NSD2: variants seen among roughly 807,000 people sequenced by gnomAD.
NSD2 encodes the protein histone-lysine N-methyltransferase NSD2.
In NSD2, 12 loss-of-function variants were observed where a neutral mutation model predicts 139.0. The observed-to-expected ratio is 0.09, with a 90% confidence interval of 0.06 to 0.14. The LOEUF (loss-of-function observed/expected upper bound fraction) is 0.14, where lower values mean the gene tolerates loss of function less well. NSD2 is among the 10% of genes least tolerant of loss of function. NSD2 has a pLI of 1.00. For synonymous variants in NSD2, 669 were observed against 648.7 expected, an observed-to-expected ratio of 1.03 and a Z score of -0.48; for missense variants, 1,155 against 1,745.0, an observed-to-expected ratio of 0.66 and a Z score of 6.02.
chr4:1,928,012 C>G (rs1238555860), intron 5 of NSD2, among the ~76,000 whole-genome samples: 1 of 152,008 alleles, frequency 6.6e-6, no homozygotes, highest in East Asian at 1.9e-4. Context: ...ACCTCCACTT[C>G]CCAAGTAGCT....
chr4:1,909,561 G>A (rs1401882878), intron 3 of NSD2, among the ~76,000 whole-genome samples: 2 of 152,124 alleles, frequency 1.3e-5, no homozygotes, highest in Admixed American at 6.6e-5. Context: ...AGAAGAGATA[G>A]CTCCTGCCGT....
At chr4:1,928,693 C>T (rs927131614) in intron 5 of NSD2, among the ~76,000 whole-genome samples, 60 of 151,380 alleles carry the variant, frequency 4.0e-4, no homozygotes, top group African/African-American at 1.4e-3. Flanking sequence ...TGTTAGCATT[C>T]ATCCTAACTG....
rs576379968 is a variant in NSD2, at chr4:1,975,855, G to A, written c.3621+455G>A. On this transcript the variant is annotated intron_variant, in intron 20 of 21. Coordinates refer to ENST00000508803, the MANE Select transcript of NSD2 (RefSeq NM_001042424.3). ...TTGACTTAGCGCCTGCCCTGCTACCGTGTGACCCCATCTTAACAGATCTCA... is the reference window on the plus strand; with the variant it reads ...TTGACTTAGCGCCTGCCCTGCTACCATGTGACCCCATCTTAACAGATCTCA... Among the ~76,000 whole-genome samples the A allele has an allele frequency of 3.3e-5, 5 of 152,250 alleles. No individual in the cohort carries two copies. In the East Asian group the frequency reaches 5.8e-4, roughly 18 times the overall value.
At chr4:1,957,288 GTT>G (rs201986259) in intron 15 of NSD2, among the ~76,000 whole-genome samples, 4 of 141,380 alleles carry the variant, frequency 2.8e-5, no homozygotes, top group East Asian at 2.0e-4. Flanking sequence ...TTTTGTTTTT[GTT>G]TTTTTTTTTT....
At chr4:1,936,195 C>T (rs959189190) in intron 7 of NSD2, among the ~76,000 whole-genome samples, 3 of 152,132 alleles carry the variant, frequency 2.0e-5, no homozygotes, top group Non-Finnish European at 4.4e-5. Flanking sequence ...GTGAAACCAA[C>T]CAAGGAAACA....
chr4:1,904,069 T>C, intron 2 of NSD2, 147 bp from the exon 3 acceptor site: 1 of 871,052 alleles, frequency 1.1e-6, no homozygotes, highest in Non-Finnish European at 1.7e-6. Context: ...ATGTTGAGGC[T>C]ATCATCTAAA....
At chr4:1,944,899 C>G (rs761598017) in intron 9 of NSD2, 110 of 1,062,942 alleles carry the variant, frequency 1.0e-4, no homozygotes, top group Non-Finnish European at 1.2e-4. Flanking sequence ...TCTCTTATAC[C>G]TGTATCTCCC....
intron 18 of NSD2, among the ~76,000 whole-genome samples, chr4:1,968,107 T>C (rs149679248): frequency 8.0e-4 from 122 of 152,358 alleles, no homozygotes; most frequent in East Asian, 6.5e-3. Flanking sequence ...TGCATTCTAG[T>C]GCTCTGCTTA....
chr4:1,882,962 T>TGG (rs1002512267), intron 1 of NSD2, among the ~76,000 whole-genome samples: 1 of 152,194 alleles, frequency 6.6e-6, no homozygotes, highest in African/African-American at 2.4e-5. Flanking sequence ...AGGAGGCTGT[T>TGG]GGCGTCAGTC....
intron 5 of NSD2, among the ~76,000 whole-genome samples, chr4:1,927,957 A>G (rs547871724): frequency 6.6e-6 from 1 of 152,166 alleles, no homozygotes; most frequent in African/African-American, 2.4e-5. Flanking sequence ...TGGTGCAATC[A>G]TAGGTCACTG....
At chr4:1,898,466 C>T (rs1473038221) in intron 1 of NSD2, among the ~76,000 whole-genome samples, 2 of 152,022 alleles carry the variant, frequency 1.3e-5, no homozygotes, top group East Asian at 1.9e-4. Flanking sequence ...AGATCGAGAC[C>T]ATCCTGGGTA....
chr4:1,912,294 T>C (rs1718784362), intron 3 of NSD2: 2 of 177,616 alleles, frequency 1.1e-5, no homozygotes, highest in Middle Eastern at 7.1e-4. Context: ...AAAATGAAGA[T>C]TGAACTCTTC....
In NSD2 at chr4:1,979,720, T is replaced by G; in HGVS notation, c.*811T>G. The stretch of plus-strand genomic sequence containing the variant: ...CATTTGGGGGATAACTTTGTATATT[T>G]TTTTCATTTGGCTTTTCTTTACCAG... On this transcript the variant is annotated 3_prime_UTR_variant, in exon 22 of 22. Coordinates refer to ENST00000508803, the MANE Select transcript of NSD2 (RefSeq NM_001042424.3). 4.3e-6 allele frequency: 1 copy of G among 232,400 alleles called. No individual in the cohort carries two copies. The highest frequency in any genetic ancestry group is 2.2e-5 in the African/African-American group (1 of 45,400). The allele number at this position is 232,400 out of a possible 1,614,324, so 14.4% of individuals were successfully genotyped here. A position where few individuals can be genotyped will look rare whatever the true frequency, so the allele number is the denominator to read the frequency against.
At position 1,978,126 on chromosome 4, in the gene NSD2, CA is replaced by C. The variant is rs112748858; in HGVS notation, c.3827-502del. 1.4e-4 allele frequency among the ~76,000 whole-genome samples: 20 copies of C among 146,682 alleles called. No homozygotes were observed. In the East Asian group the frequency reaches 1.6e-3, roughly 12 times the overall value. ...TGGGCGACAGAGCTAGACTCCATCT[CA>C]AAAAAAAAAGAATTCAGATATTTGT... On this transcript the variant is annotated intron_variant, in intron 21 of 21. Transcript: ENST00000508803.
At chr4:1,926,150 ATTTTTTTTTTT>A (rs35448464) in intron 5 of NSD2, among the ~76,000 whole-genome samples, 13 of 121,528 alleles carry the variant, frequency 1.1e-4, no homozygotes, top group Admixed American at 5.1e-4. Context: ...TTGGGCCTGA[ATTTTTTTTTTT>A]TTTTTTTTTT....
intron 4 of NSD2, 86 bp from the exon 5 acceptor site, chr4:1,918,053 TTA>T: frequency 6.7e-7 from 1 of 1,481,662 alleles, no homozygotes; most frequent in Non-Finnish European, 9.0e-7. Context: ...AGTGCTGGAA[TTA>T]TAGGCATGAA....
intron 1 of NSD2, among the ~76,000 whole-genome samples, chr4:1,878,243 ATATATATATTTTTTTTTTTTTT>A (rs1714420628): frequency 2.7e-5 from 1 of 37,296 alleles, no homozygotes; most frequent in Non-Finnish European, 4.8e-5. Flanking sequence ...ATATATATAT[ATATATATATTTTTTTTTTTTTT>A]TTTTTTTTTT....
intron 1 of NSD2, among the ~76,000 whole-genome samples, chr4:1,891,597 A>G (rs780333929): frequency 2.0e-5 from 3 of 152,178 alleles, no homozygotes; most frequent in Non-Finnish European, 4.4e-5. Flanking sequence ...TCATGCCTGT[A>G]ATCCTAGCAC....
At chr4:1,953,060 G>A in intron 11 of NSD2, 1 of 1,457,402 alleles carries the variant, frequency 6.9e-7, no homozygotes, top group Non-Finnish European at 9.0e-7. Context: ...AGTTAGACTG[G>A]GCCTCCCCAG....
Sources: gnomAD v4.1 joint callset for allele counts (sites outside exome capture counted in the v4.1 genomes callset) on GRCh38, gnomAD v4.1.1 for gene constraint, MANE v1.5 for transcripts, NCBI Gene and HGNC (gene_info 2026-07-23, HGNC 2026-07-21) for gene names.